AFMID: variants seen among roughly 807,000 people sequenced by gnomAD.
The protein encoded by AFMID is arylformamidase.
Under a neutral mutation model 47.5 loss-of-function variants are expected in AFMID, and 39 were observed. The ratio of observed to expected loss-of-function variants is 0.82; its 90% CI spans 0.64 to 1.07. AFMID has a LOEUF of 1.07. Ranked by LOEUF, AFMID falls within the 50% of genes least tolerant of loss-of-function variation. The pLI is 0.00. For missense variants in AFMID, 375 were observed against 387.5 expected (o/e 0.97, Z 0.27); for synonymous variants, 130 against 153.2 (o/e 0.85, Z 1.12).
chr17:78,205,658 G>C lies in AFMID; in HGVS notation c.700G>C (p.Asp234His). The change falls in exon 9 of 11, where the codon GAC (aspartate) becomes CAC (histidine). Residue 234 changes from aspartate to histidine, a missense_variant. By Grantham distance (81) the Asp-to-His change is moderately conservative. Coordinates refer to ENST00000409257, the MANE Select transcript of AFMID (RefSeq NM_001010982.5). ...QLKVAQAQPV[D>H]PTCRVLVVVG... ...GAAGGTGGCCCAGGCACAGCCGGTGGACCCCACCTGCCGTGTGCTGGTGGT... is the reference window on the plus strand; with the variant it reads ...GAAGGTGGCCCAGGCACAGCCGGTGCACCCCACCTGCCGTGTGCTGGTGGT... The C allele has an allele frequency of 6.2e-7, 1 of 1,613,758 alleles. No homozygotes were observed. The highest frequency in any genetic ancestry group is 8.5e-7 in the Non-Finnish European group (1 of 1,179,984).
intron 2 of AFMID, among the ~76,000 whole-genome samples, chr17:78,192,169 T>C (rs1256483479): frequency 1.4e-5 from 2 of 145,222 alleles, no homozygotes; most frequent in Non-Finnish European, 3.0e-5. Context: ...CTGCTAAGTG[T>C]TTTGTATTTT....
intron 2 of AFMID, among the ~76,000 whole-genome samples, chr17:78,193,928 A>C (rs1384679888): frequency 6.7e-6 from 1 of 149,898 alleles, no homozygotes; most frequent in African/African-American, 2.5e-5. Context: ...GTGAGCTGAG[A>C]TCATGCCACT....
At chr17:78,192,970 T>C (rs118074797) in intron 2 of AFMID, among the ~76,000 whole-genome samples, 2,641 of 152,194 alleles carry the variant, frequency 0.017, 36 homozygotes, top group Non-Finnish European at 0.026. Flanking sequence ...TCTCAATAGA[T>C]TGGGGGGGAG....
At chr17:78,198,765 C>T (rs891312223) in intron 2 of AFMID, among the ~76,000 whole-genome samples, 4 of 152,086 alleles carry the variant, frequency 2.6e-5, no homozygotes, top group Non-Finnish European at 4.4e-5. Context: ...GCCAAGATTG[C>T]ACCAGTGGGC....
At chr17:78,201,113 C>G (rs2076232507) in intron 2 of AFMID, among the ~76,000 whole-genome samples, 1 of 151,756 alleles carries the variant, frequency 6.6e-6, no homozygotes, top group Admixed American at 6.6e-5. Flanking sequence ...CCTCCCACTT[C>G]AGCCTCCCGA....
chr17:78,187,389 G>T lies in AFMID; in HGVS notation c.19G>T (p.Val7Leu), dbSNP rs1295056045. 1 of 1,613,986 alleles carries T rather than the reference G, an allele frequency of 6.2e-7. No individual in the cohort carries two copies. Among genetic ancestry groups the T allele is most frequent in the South Asian group, 1.1e-5 (1 of 91,080 alleles). The change falls in exon 1 of 11, where the codon GTG (valine) becomes TTG (leucine). Residue 7 changes from valine to leucine, a missense_variant. Val to Leu is a conservative substitution (Grantham distance 32). Coordinates refer to ENST00000409257, the MANE Select transcript of AFMID (RefSeq NM_001010982.5). Reference sequence around the variant, plus strand: ...AGACGCCATGATGGATGTGTCTGGTGTGGGTTTCCCAAGCAAGGTTCCTTG... The same window carrying T: ...AGACGCCATGATGGATGTGTCTGGTTTGGGTTTCCCAAGCAAGGTTCCTTG... MMDVSG[V>L]GFPSKVPWKK...
At chr17:78,198,247 C>T (rs2076159855) in intron 2 of AFMID, among the ~76,000 whole-genome samples, 1 of 151,766 alleles carries the variant, frequency 6.6e-6, no homozygotes, top group African/African-American at 2.4e-5. Flanking sequence ...AAAGTGAATT[C>T]AGGAGTTCCA....
chr17:78,207,102 A>G lies in AFMID; in HGVS notation c.*165A>G, dbSNP rs902382870. On this transcript the variant is annotated 3_prime_UTR_variant, in exon 11 of 11. Transcript: ENST00000409257. ...GTCCATTCTCACTGCTGGGACACTCATGAAAATCTCCACGTCCTCCCTCTT... is the reference window on the plus strand; with the variant it reads ...GTCCATTCTCACTGCTGGGACACTCGTGAAAATCTCCACGTCCTCCCTCTT... The G allele has an allele frequency of 4.0e-6, 3 of 745,000 alleles. No individual in the cohort carries two copies. The highest frequency in any genetic ancestry group is 3.6e-5 in the African/African-American group (2 of 56,240). 46.1% of individuals were successfully genotyped at this position (745,000 alleles called of 1,614,324 possible). A position where few individuals can be genotyped will look rare whatever the true frequency, so the allele number is the denominator to read the frequency against.
Position 78,205,991 on chromosome 17 carries a change from G to C in AFMID, c.826G>C (p.Asp276His), listed in dbSNP as rs751911915. Reference protein sequence around the residue: ...EWKASFEELHDVDHFEIVENL... With the variant: ...EWKASFEELHHVDHFEIVENL... ...GAAAGCCTCATTTGAAGAGCTCCACGATGTGGACCACTTTGAAATTGTTGA... is the reference window on the plus strand; with the variant it reads ...GAAAGCCTCATTTGAAGAGCTCCACCATGTGGACCACTTTGAAATTGTTGA... The change falls in exon 10 of 11, where the codon GAT becomes CAT. Residue 276 changes from aspartate to histidine, a missense_variant. By Grantham distance (81) the Asp-to-His change is moderately conservative. Coordinates refer to ENST00000409257, the MANE Select transcript of AFMID (RefSeq NM_001010982.5). The C allele has an allele frequency of 6.2e-7, 1 of 1,614,002 alleles. No individual in the cohort carries two copies. Among genetic ancestry groups the C allele is most frequent in the Admixed American group, 1.7e-5 (1 of 59,976 alleles).
chr17:78,192,783 T>C lies in AFMID; in HGVS notation c.154+1723T>C, dbSNP rs2076007055. 7.6e-6 allele frequency: 3 copies of C among 395,830 alleles called. No homozygotes were observed. In the Middle Eastern group the frequency reaches 1.1e-3, roughly 141 times the overall value. The allele number at this position is 395,830 out of a possible 1,614,324, so 24.5% of individuals were successfully genotyped here. ...GGGAGCAGGCCCCGAGGAGGAAGTG[T>C]AGGTGAGGACGCAGCCAACCATGCT... On this transcript the variant is annotated intron_variant, in intron 2 of 10. Coordinates refer to ENST00000409257, the MANE Select transcript of AFMID (RefSeq NM_001010982.5).
rs376421999 is a variant in AFMID, at chr17:78,206,791, C to T, written c.886-120C>T. On this transcript the variant is annotated intron_variant, in intron 10 of 10. Transcript: ENST00000409257. ...AAGTGATCTTCCCACCTCAGCCTCC[C>T]GAAGGGTTGGGGTTGCAGACGTGAG... 168 of 1,089,504 alleles carry T rather than the reference C, an allele frequency of 1.5e-4. No individual in the cohort carries two copies. In the African/African-American group the frequency reaches 2.4e-3, roughly 15 times the overall value. 67.5% of individuals were successfully genotyped at this position (1,089,504 alleles called of 1,614,324 possible). A position where few individuals can be genotyped will look rare whatever the true frequency, so the allele number is the denominator to read the frequency against.
chr17:78,200,880 G>C (rs1284718977), intron 2 of AFMID, among the ~76,000 whole-genome samples: 4 of 152,178 alleles, frequency 2.6e-5, no homozygotes, highest in Non-Finnish European at 2.9e-5. Flanking sequence ...ACTAGACCAG[G>C]TTCCTTCTCC....
chr17:78,201,218 C>T (rs1036411954), intron 2 of AFMID, among the ~76,000 whole-genome samples: 8 of 149,754 alleles, frequency 5.3e-5, no homozygotes, highest in Non-Finnish European at 1.2e-4. Context: ...TGCTGGAACC[C>T]AGGAGGCAGA....
At chr17:78,206,787 C>G (rs137947797) in intron 10 of AFMID, 124 bp from the exon 11 acceptor site, 1 of 1,011,334 alleles carries the variant, frequency 9.9e-7, no homozygotes, top group African/African-American at 1.6e-5. Flanking sequence ...CCACCTCAGC[C>G]TCCCGAAGGG....
intron 6 of AFMID, 62 bp downstream of exon 6, chr17:78,204,962 CA>C (rs1271626668): frequency 6.2e-7 from 1 of 1,602,548 alleles, no homozygotes; most frequent in Non-Finnish European, 8.5e-7. Flanking sequence ...ACAGTGCAAT[CA>C]GTACCTAGGA....
At position 78,202,909 on chromosome 17, in the gene AFMID, TG is replaced by T. The variant is rs2076284164; in HGVS notation, c.308+161del. The T allele has an allele frequency of 3.3e-6, 3 of 913,446 alleles. No individual in the cohort carries two copies. In the African/African-American group the frequency reaches 5.0e-5, roughly 15 times the overall value. The allele number at this position is 913,446 out of a possible 1,614,324, so 56.6% of individuals were successfully genotyped here. On this transcript the variant is annotated intron_variant, in intron 4 of 10. Coordinates refer to ENST00000409257, the MANE Select transcript of AFMID (RefSeq NM_001010982.5). ...GAGAACGGAAGTCTCAAGTCAAATGTGGGCAGGGTTCCTAGGGAGGGTCCTT... is the reference window on the plus strand; with the variant it reads ...GAGAACGGAAGTCTCAAGTCAAATGTGGCAGGGTTCCTAGGGAGGGTCCTT...
Position 78,205,722 on chromosome 17 carries a change from C to T in AFMID, c.764C>T (p.Ser255Phe). The change falls in exon 9 of 11, where the codon TCC becomes TTC. Residue 255 changes from serine to phenylalanine, a missense_variant. Coordinates refer to ENST00000409257, the MANE Select transcript of AFMID (RefSeq NM_001010982.5). Reference protein sequence around the residue: ...QFDSPEFHRQSWEFYQTLCQG... With the variant: ...QFDSPEFHRQFWEFYQTLCQG... ...GACTCCCCCGAATTCCACCGACAGT[C>T]CTGGGAGTTTTACCAGGTACTCCCA... 6.2e-7 allele frequency: 1 copy of T among 1,610,380 alleles called. No homozygotes were observed. Among genetic ancestry groups the T allele is most frequent in the East Asian group, 2.2e-5 (1 of 44,868 alleles).
chr17:78,191,689 T>C (rs1440964462), intron 2 of AFMID, among the ~76,000 whole-genome samples: 2 of 147,502 alleles, frequency 1.4e-5, no homozygotes, highest in Non-Finnish European at 3.0e-5. Flanking sequence ...AAAAAAGCAA[T>C]GAAGCCTCTT....
Position 78,205,987 on chromosome 17 carries a change from C to A in AFMID, c.822C>A (p.Leu274=). 7 of 1,614,068 alleles carry A rather than the reference C, an allele frequency of 4.3e-6. No homozygotes were observed. Among genetic ancestry groups the A allele is most frequent in the Non-Finnish European group, 5.9e-6 (7 of 1,180,020 alleles). Residue 274 remains leucine (L), a synonymous_variant, in exon 10 of 11, where the codon CTC becomes CTA. Transcript: ENST00000409257. The part of the protein sequence containing the change: ...QGEWKASFEE[L]HDVDHFEIVE... ...AGTGGAAAGCCTCATTTGAAGAGCT[C>A]CACGATGTGGACCACTTTGAAATTG... is the stretch of plus-strand genomic sequence containing the variant.
Sources: allele counts gnomAD v4.1 joint callset (sites outside exome capture counted in the v4.1 genomes callset), GRCh38; gene constraint gnomAD v4.1.1; transcripts MANE v1.5; gene names NCBI Gene and HGNC (gene_info 2026-07-23, HGNC 2026-07-21).